Variants in AZIN2 observed in about 807,000 individuals in gnomAD.
AZIN2 encodes the protein ODC antizyme inhibitor-2.
AZIN2 carries 28 observed loss-of-function variants against 47.8 expected under a neutral mutation model. The observed-to-expected ratio is 0.59, with a 90% CI of 0.43 to 0.80. The LOEUF is 0.80. AZIN2 is among the 30% of genes least tolerant of loss of function. AZIN2 has a pLI of 0.00. For synonymous variants in AZIN2, 221 were observed against 239.4 expected, an observed-to-expected ratio of 0.92 and a Z score of 0.71; for missense variants, 535 against 582.5, an observed-to-expected ratio of 0.92 and a Z score of 0.84.
the AZIN2 span, among the ~76,000 whole-genome samples, chr1:33,138,554 A>C: frequency 6.7e-6 from 1 of 149,970 alleles, no homozygotes; most frequent in Non-Finnish European, 1.5e-5. Context: ...TGGGAGGCTG[A>C]GGCACTGTGA....
chr1:33,145,431 T>C, the AZIN2 span: 3 of 163,014 alleles, frequency 1.8e-5, no homozygotes, highest in African/African-American at 7.2e-5. Flanking sequence ...TTAATACAAA[T>C]TGATCATAAC....
downstream of AZIN2, among the ~76,000 whole-genome samples, chr1:33,126,392 C>G (rs958234317): frequency 5.9e-5 from 9 of 152,302 alleles, no homozygotes; most frequent in East Asian, 1.7e-3. Context: ...TGTCTTCCTG[C>G]GTATCTAATC....
At chr1:33,139,936 T>C in the AZIN2 span, among the ~76,000 whole-genome samples, 2 of 152,194 alleles carry the variant, frequency 1.3e-5, no homozygotes, top group Admixed American at 6.5e-5. Context: ...CACCATCAGC[T>C]ACTCTTCCGG....
chr1:33,125,926 C>T (rs1490991471), downstream of AZIN2, among the ~76,000 whole-genome samples: 1 of 152,134 alleles, frequency 6.6e-6, no homozygotes, highest in Non-Finnish European at 1.5e-5. Flanking sequence ...CTTTGGGAGG[C>T]TGAGGCAGGA....
intron 10 of AZIN2, among the ~76,000 whole-genome samples, chr1:33,111,171 G>A (rs1458839085): frequency 6.6e-6 from 1 of 152,192 alleles, no homozygotes; most frequent in Non-Finnish European, 1.5e-5. Flanking sequence ...GTACTTGCTG[G>A]GTAACCTTAG....
chr1:33,146,565 G>A, the AZIN2 span: 1 of 160,000 alleles, frequency 6.3e-6, no homozygotes, highest in African/African-American at 2.4e-5. Context: ...TCAACTACCA[G>A]GTGCCTTCCA....
the AZIN2 span, chr1:33,158,503 A>G: frequency 6.0e-6 from 4 of 665,174 alleles, no homozygotes; most frequent in Non-Finnish European, 1.1e-5. Context: ...CTCAGATTCA[A>G]GTGCCTGCTT....
At chr1:33,159,715 A>G in the AZIN2 span, 2 of 1,610,820 alleles carry the variant, frequency 1.2e-6, no homozygotes, top group Non-Finnish European at 1.7e-6. This position sits in a 1 kb window ranked among gnomAD's most constrained non-coding sequence, Gnocchi z 4.2. Flanking sequence ...CACCCCAGCC[A>G]GGAAGGTGTG....
At chr1:33,102,605 C>T (rs1643786212) in intron 10 of AZIN2, among the ~76,000 whole-genome samples, 1 of 152,154 alleles carries the variant, frequency 6.6e-6, no homozygotes, top group South Asian at 2.1e-4. Context: ...ACCTTGTCTC[C>T]TTGGCACTTC....
chr1:33,155,780 G>A, the AZIN2 span, among the ~76,000 whole-genome samples: 2 of 152,126 alleles, frequency 1.3e-5, no homozygotes, highest in Non-Finnish European at 2.9e-5. Context: ...GAACACACAG[G>A]GTTCTCTGCT....
the AZIN2 span, chr1:33,146,996 G>A: frequency 1.6e-6 from 1 of 637,176 alleles, no homozygotes; most frequent in African/African-American, 1.8e-5. Context: ...ATCGATGCTG[G>A]AAGAGAGTTT....
the AZIN2 span, chr1:33,147,510 G>A: frequency 4.3e-6 from 7 of 1,613,246 alleles, no homozygotes; most frequent in East Asian, 4.5e-5. The surrounding 1 kb of genome is among the most constrained non-coding windows in gnomAD (Gnocchi z 8.1). Flanking sequence ...GTGCCAGCCC[G>A]ATCACCCACT....
intron 10 of AZIN2, among the ~76,000 whole-genome samples, chr1:33,103,893 T>C (rs1286915904): frequency 2.0e-5 from 3 of 151,948 alleles, no homozygotes; most frequent in African/African-American, 7.3e-5. Context: ...ATCTTTTTTT[T>C]TTTTTTTGAG....
chr1:33,111,476 T>A (rs1644283144), intron 10 of AZIN2, among the ~76,000 whole-genome samples: 1 of 152,184 alleles, frequency 6.6e-6, no homozygotes, highest in African/African-American at 2.4e-5. Flanking sequence ...ATATAACTTC[T>A]AACACAGAAA....
the AZIN2 span, among the ~76,000 whole-genome samples, chr1:33,152,580 A>G: frequency 2.0e-5 from 3 of 152,068 alleles, no homozygotes; most frequent in Non-Finnish European, 4.4e-5. Flanking sequence ...AAAGAAAAAA[A>G]AAAAAAAAAA....
chr1:33,094,310 C>T (rs1642906411), intron 7 of AZIN2, among the ~76,000 whole-genome samples: 1 of 152,182 alleles, frequency 6.6e-6, no homozygotes, highest in South Asian at 2.1e-4. Flanking sequence ...GGCTCTCATC[C>T]CAGAAGGAGG....
rs966752995 is a variant in AZIN2, at chr1:33,101,755, T to G, written c.1029+3576T>G. The G allele has an allele frequency of 3.0e-5, 21 of 701,204 alleles. No homozygotes were observed. In the African/African-American group the frequency reaches 3.6e-4, roughly 12 times the overall value. 43.4% of individuals were successfully genotyped at this position (701,204 alleles called of 1,614,324 possible). On this transcript the variant is annotated intron_variant, in intron 10 of 11. Coordinates refer to ENST00000294517, the MANE Select transcript of AZIN2 (RefSeq NM_052998.4). The stretch of plus-strand genomic sequence containing the variant: ...TTCCTCGAGTGTATTTATAATTTAT[T>G]ATATTTGTTTTTTTGCTTTATAAAA...
intron 7 of AZIN2, 98 bp from the exon 8 acceptor site, chr1:33,094,450 A>G (rs1342734384): frequency 2.3e-6 from 3 of 1,281,472 alleles, no homozygotes; most frequent in East Asian, 2.3e-5. Context: ...AAATGGGCAC[A>G]GTGTCTCATG....
At chr1:33,127,290 A>C (rs1405674955), downstream of AZIN2, among the ~76,000 whole-genome samples, 1 of 152,230 alleles carries the variant, frequency 6.6e-6, no homozygotes, top group African/African-American at 2.4e-5. Context: ...CCTTGAAGCC[A>C]CGGTCTTCCG....
Sources: gnomAD v4.1 joint callset for allele counts (sites outside exome capture counted in the v4.1 genomes callset) on GRCh38, gnomAD v4.1.1 for gene constraint, Gnocchi (gnomAD v3.1) non-coding constraint, MANE v1.5 for transcripts, NCBI Gene and HGNC (gene_info 2026-07-23, HGNC 2026-07-21) for gene names.